The following CHRNA4 variants were observed in gnomAD, a reference collection of about 807,000 sequenced individuals.
CHRNA4 encodes neuronal acetylcholine receptor subunit alpha-4.
A neutral mutation model predicts 48.9 loss-of-function variants in CHRNA4; 28 were observed. The ratio of observed to expected loss-of-function variants is 0.57; its 90% CI spans 0.42 to 0.79. The LOEUF is 0.79. CHRNA4 is among the 30% of genes least tolerant of loss of function. CHRNA4 has a pLI of 0.00. For missense variants in CHRNA4, 859 were observed against 898.4 expected, an observed-to-expected ratio of 0.96 and a Z score of 0.56; for synonymous variants, 425 against 402.3, an observed-to-expected ratio of 1.06 and a Z score of -0.68.
At chr20:63,353,448 T>C (rs1346484065) in intron 4 of CHRNA4, among the ~76,000 whole-genome samples, 2 of 124,408 alleles carry the variant, frequency 1.6e-5, no homozygotes, top group Non-Finnish European at 3.4e-5. Context: ...GCTGTGGTCC[T>C]AGGGGGCTGT....
chr20:63,360,458 C>G (rs572231935), intron 1 of CHRNA4, among the ~76,000 whole-genome samples: 1 of 152,316 alleles, frequency 6.6e-6, no homozygotes, highest in African/African-American at 2.4e-5. Context: ...GTCCGGGGCC[C>G]CAGGATCTGA....
At position 63,356,408 on chromosome 20, in the gene CHRNA4, T is replaced by C. The variant is rs768877090; in HGVS notation, c.236A>G (p.Lys79Arg). 6.2e-6 allele frequency: 10 copies of C among 1,601,900 alleles called. No individual in the cohort carries two copies. The South Asian group carries it at 1.1e-4, about 18-fold the overall frequency. ...TACGTTCGTGGTCATCATCTGGTTCTTCTCATCCTAGGGCACCGAGAGAGG... is the reference window on the plus strand; with the variant it reads ...TACGTTCGTGGTCATCATCTGGTTCCTCTCATCCTAGGGCACCGAGAGAGG... ...SIAQLIDVDEKNQMMTTNVWV... is the reference protein window; with the variant it reads ...SIAQLIDVDERNQMMTTNVWV... Residue 79 changes from lysine to arginine, a missense_variant, in exon 3 of 6, where the codon AAG becomes AGG. Physicochemically the swap from Lys to Arg is conservative, Grantham distance 26. Around this residue, in one of 3 missense-constraint regions of CHRNA4, gnomAD observed 342 missense variants for 365.3 expected, o/e 0.94. Transcript: ENST00000370263.
intron 4 of CHRNA4, 93 bp downstream of exon 4, chr20:63,355,882 C>G: frequency 1.3e-6 from 2 of 1,545,520 alleles, no homozygotes; most frequent in Non-Finnish European, 1.8e-6. Flanking sequence ...CAGGCTGGGC[C>G]TTGGTGGAGC....
At chr20:63,352,384 C>A (rs2068628942) in intron 4 of CHRNA4, among the ~76,000 whole-genome samples, 1 of 152,182 alleles carries the variant, frequency 6.6e-6, no homozygotes, top group Non-Finnish European at 1.5e-5. Flanking sequence ...CGGTCTCAGT[C>A]GGTGCTGAGC....
Position 63,361,277 on chromosome 20 carries a change from G to T in CHRNA4, c.-112C>A, listed in dbSNP as rs1387940002. 2.2e-6 allele frequency: 3 copies of T among 1,372,780 alleles called. No homozygotes were observed. Among genetic ancestry groups the T allele is most frequent in the South Asian group, 1.6e-5 (1 of 64,086 alleles). The allele number at this position is 1,372,780 out of a possible 1,614,324, so 85.0% of individuals were successfully genotyped here. ...CCGCGCCTCGCGGGCCGCTTCGGCC[G>T]CCGGGCCCGGTTCGTCTTCTCCTGT... On this transcript the variant is annotated 5_prime_UTR_variant, in exon 1 of 6. Transcript: ENST00000370263.
rs373516964 is a variant in CHRNA4, at chr20:63,350,821, C to T, written c.590G>A (p.Arg197His). Residue 197 changes from arginine (R) to histidine (H), a missense_variant, in exon 5 of 6, where the codon CGC (arginine) becomes CAC (histidine). Physicochemically the swap from Arg to His is conservative, Grantham distance 29. Transcript: ENST00000370263. ...CTCCCAGAAGTCCAGCTGGTCCACG[C>T]GGCTGTGCATGTTCACCAGGTCGAT... ...AKIDLVNMHS[R>H]VDQLDFWESG... The T allele has an allele frequency of 6.1e-5, 99 of 1,613,800 alleles. No homozygotes were observed. Among genetic ancestry groups the T allele is most frequent in the Non-Finnish European group, 7.5e-5 (89 of 1,180,016 alleles).
In CHRNA4 at chr20:63,346,334, G is replaced by A. The variant is rs1304434430; in HGVS notation, c.*404C>T. On this transcript the variant is annotated 3_prime_UTR_variant, in exon 6 of 6. Transcript: ENST00000370263. ...TCCAGAAGACGGGGCGCTTGGGGCT[G>A]AAGGGGCGTGAACTCCCTTCAAGGG... The A allele has an allele frequency of 2.2e-6, 1 of 460,490 alleles. No homozygotes were observed. Among genetic ancestry groups the A allele is most frequent in the Non-Finnish European group, 4.3e-6 (1 of 231,134 alleles). The allele number at this position is 460,490 out of a possible 1,614,324, so 28.5% of individuals were successfully genotyped here.
chr20:63,343,457 C>T lies in CHRNA4; in HGVS notation c.*3281G>A, dbSNP rs200784746. On this transcript the variant is annotated 3_prime_UTR_variant, in exon 6 of 6. Coordinates refer to ENST00000370263, the MANE Select transcript of CHRNA4 (RefSeq NM_000744.7). ...AAAGGACTCAGCCACTTTAGAAATC[C>T]GAAGCCGCCTCTGCTCCAGGGGACA... 2 of 454,126 alleles carry T rather than the reference C, an allele frequency of 4.4e-6. No homozygotes were observed. Among genetic ancestry groups the T allele is most frequent in the Non-Finnish European group, 8.8e-6 (2 of 226,800 alleles). 28.1% of individuals were successfully genotyped at this position (454,126 alleles called of 1,614,324 possible).
At chr20:63,358,785 G>A (rs919612968) in intron 2 of CHRNA4, among the ~76,000 whole-genome samples, 4 of 152,184 alleles carry the variant, frequency 2.6e-5, no homozygotes, top group Non-Finnish European at 4.4e-5. Context: ...GCTGGGAAAC[G>A]TGGAAATGTC....
chr20:63,351,619 G>A (rs1316355392), intron 4 of CHRNA4, among the ~76,000 whole-genome samples: 5 of 152,228 alleles, frequency 3.3e-5, no homozygotes, highest in Admixed American at 6.5e-5. Flanking sequence ...ACCTCCCAGT[G>A]TGTGAGCATG....
intron 4 of CHRNA4, chr20:63,355,722 C>A: frequency 1.2e-6 from 1 of 823,184 alleles, no homozygotes. Flanking sequence ...TCTGACGCTC[C>A]AGTGCTGAGA....
intron 1 of CHRNA4, 126 bp downstream of exon 1, chr20:63,360,964 G>A (rs891915605): frequency 7.9e-5 from 61 of 771,542 alleles, no homozygotes; most frequent in Admixed American, 1.7e-4. Flanking sequence ...GGAGCCTCGC[G>A]GTCGCCCAGT....
intron 1 of CHRNA4, 142 bp downstream of exon 1, chr20:63,360,948 G>T: frequency 1.5e-6 from 1 of 653,596 alleles, no homozygotes; most frequent in Non-Finnish European, 2.3e-6. Context: ...GTGCGGCTGG[G>T]GATGGGGAGC....
chr20:63,358,226 C>T (rs3827021), intron 2 of CHRNA4, among the ~76,000 whole-genome samples: 14,686 of 152,222 alleles, frequency 0.096, 761 homozygotes, highest in Middle Eastern at 0.19. Context: ...AGTCTCCATG[C>T]GCTGCCCTGC....
At position 63,349,491 on chromosome 20, in the gene CHRNA4, A is replaced by G. The variant is rs1231680828; in HGVS notation, c.1758+162T>C. The G allele has an allele frequency of 4.3e-6, 4 of 932,676 alleles. No homozygotes were observed. The African/African-American group carries it at 6.5e-5, about 15-fold the overall frequency. 57.8% of individuals were successfully genotyped at this position (932,676 alleles called of 1,614,324 possible). Reference sequence around the variant, plus strand: ...AGCCTGGGACCTGCGGCCACATAGCAGGCTTGGGAAGAGGCTGCTGCAGCA... The same window carrying G: ...AGCCTGGGACCTGCGGCCACATAGCGGGCTTGGGAAGAGGCTGCTGCAGCA... On this transcript the variant is annotated intron_variant, in intron 5 of 5. Transcript: ENST00000370263.
At position 63,350,291 on chromosome 20, in the gene CHRNA4, A is replaced by T; in HGVS notation, c.1120T>A (p.Ser374Thr). Residue 374 changes from serine (S) to threonine (T), a missense_variant, in exon 5 of 6, where the codon TCC becomes ACC. This residue lies in a region of CHRNA4 where 478 missense variants were observed against 455.4 expected (regional missense o/e 1.05). Transcript: ENST00000370263. ...VKDNCRRLIE[S>T]MHKMASAPRF... Reference sequence around the variant, plus strand: ...GGGGCACTGGCCATCTTATGCATGGACTCGATGAGCCGCCGGCAATTGTCC... The same window carrying T: ...GGGGCACTGGCCATCTTATGCATGGTCTCGATGAGCCGCCGGCAATTGTCC... 2 of 1,612,418 alleles carry T rather than the reference A, an allele frequency of 1.2e-6. No homozygotes were observed. Among genetic ancestry groups the T allele is most frequent in the Middle Eastern group, 1.7e-4 (1 of 6,060 alleles).
At chr20:63,348,875 C>T (rs1016516109) in intron 5 of CHRNA4, among the ~76,000 whole-genome samples, 1 of 152,196 alleles carries the variant, frequency 6.6e-6, no homozygotes, top group African/African-American at 2.4e-5. Flanking sequence ...AAAGCTGGCT[C>T]AGCCCCAGCC....
At chr20:63,347,926 G>A (rs1366653906) in intron 5 of CHRNA4, among the ~76,000 whole-genome samples, 1 of 152,244 alleles carries the variant, frequency 6.6e-6, no homozygotes, top group Non-Finnish European at 1.5e-5. Context: ...TCTACGGGAA[G>A]CCTGAAGGCA....
At chr20:63,360,551 G>A (rs1309025160) in intron 1 of CHRNA4, among the ~76,000 whole-genome samples, 1 of 152,182 alleles carries the variant, frequency 6.6e-6, no homozygotes, top group East Asian at 1.9e-4. Flanking sequence ...GGTGGGTCCC[G>A]CTGGCCTGAG....
Sources: allele counts gnomAD v4.1 joint callset (sites outside exome capture counted in the v4.1 genomes callset), GRCh38; gene constraint gnomAD v4.1.1; regional missense constraint gnomAD v4.1.1; transcripts MANE v1.5; gene names NCBI Gene and HGNC (gene_info 2026-07-23, HGNC 2026-07-21).